Variants in PLA1A observed in about 807,000 individuals in gnomAD.
PLA1A encodes phospholipase A1 member A.
A neutral mutation model predicts 49.4 loss-of-function variants in PLA1A; 47 were observed. That is an observed-to-expected ratio of 0.95 (90% CI 0.75 to 1.21). The LOEUF (loss-of-function observed/expected upper bound fraction) is 1.21. Among genes scored for constraint, PLA1A ranks in the 50% most tolerant of loss-of-function variants. The pLI is 0.00. For missense variants in PLA1A, 561 were observed against 563.9 expected, an observed-to-expected ratio of 0.99 and a Z score of 0.05; for synonymous variants, 224 against 207.9, an observed-to-expected ratio of 1.08 and a Z score of -0.67.
At chr3:119,618,752 G>T (rs114258319) in intron 7 of PLA1A, among the ~76,000 whole-genome samples, 2 of 138,706 alleles carry the variant, frequency 1.4e-5, no homozygotes, top group Non-Finnish European at 3.2e-5. Context: ...TGCATATCCC[G>T]TGGTTATCCA....
chr3:119,626,054 T>G (rs984927332), intron 9 of PLA1A, among the ~76,000 whole-genome samples: 9 of 152,050 alleles, frequency 5.9e-5, no homozygotes, highest in African/African-American at 2.2e-4. Flanking sequence ...ATTACAAGTG[T>G]GTTGGATGAG....
chr3:119,607,087 T>A, intron 2 of PLA1A, 112 bp downstream of exon 2: 1 of 822,996 alleles, frequency 1.2e-6, no homozygotes, highest in East Asian at 2.5e-5. Flanking sequence ...AATGGCCACA[T>A]GTTCCATCCC....
intron 8 of PLA1A, chr3:119,620,134 C>T (rs2082909628): frequency 4.4e-6 from 2 of 456,868 alleles, no homozygotes; most frequent in Non-Finnish European, 8.8e-6. Flanking sequence ...AGCTAGGATG[C>T]TGGTGATTGT....
chr3:119,618,945 A>G (rs2082890996), intron 7 of PLA1A, among the ~76,000 whole-genome samples: 1 of 152,214 alleles, frequency 6.6e-6, no homozygotes, highest in Non-Finnish European at 1.5e-5. Context: ...TGATAGAACC[A>G]GTCATCATTA....
intron 8 of PLA1A, among the ~76,000 whole-genome samples, chr3:119,622,242 A>G (rs2082951159): frequency 6.6e-6 from 1 of 152,114 alleles, no homozygotes; most frequent in Non-Finnish European, 1.5e-5. Flanking sequence ...TTCTTAATCA[A>G]TGATACTTGC....
At chr3:119,599,750 G>C (rs1004449906) in intron 1 of PLA1A, among the ~76,000 whole-genome samples, 48 of 152,240 alleles carry the variant, frequency 3.2e-4, no homozygotes, top group African/African-American at 9.6e-4. Context: ...TTCCTTGCCT[G>C]GTCTTCTTGC....
At chr3:119,614,545 G>T (rs1422613658) in intron 5 of PLA1A, among the ~76,000 whole-genome samples, 4 of 146,756 alleles carry the variant, frequency 2.7e-5, no homozygotes, top group African/African-American at 7.7e-5. Context: ...GGCAGAGCTT[G>T]CAGTGAGCGG....
Position 119,608,768 on chromosome 3 carries a change from A to G in PLA1A, c.276-2A>G. 6.2e-7 allele frequency: 1 copy of G among 1,611,602 alleles called. No homozygotes were observed. Among genetic ancestry groups the G allele is most frequent in the Non-Finnish European group, 8.5e-7 (1 of 1,178,084 alleles). ...TCCATTCTTTTTTGGCCCCCTGTCT[A>G]GGGTTTTAGGAACAAAGCCTTCCTG... On this transcript the variant is annotated splice_acceptor_variant, in intron 2 of 10. Transcript: ENST00000273371. LOFTEE classifies it high-confidence loss of function.
chr3:119,607,710 C>T (rs565866673), intron 2 of PLA1A, among the ~76,000 whole-genome samples: 2 of 152,296 alleles, frequency 1.3e-5, no homozygotes, highest in Admixed American at 1.3e-4. Flanking sequence ...GGCATCTCTC[C>T]TTGCTCTTGT....
rs1476873027 is a variant in PLA1A, at chr3:119,616,012, A to G, written c.665A>G (p.Asn222Ser). The change falls in exon 6 of 11, where the codon AAT becomes AGT. Residue 222 changes from asparagine to serine, a missense_variant and splice_region_variant. By Grantham distance (46) the Asn-to-Ser change is conservative. Transcript: ENST00000273371. ...TTAATGGAGTTGTGCCTCCTTTCAG[A>G]TTTGGGTATTCGGATTCCCGTTGGA... ...FVEAIHTDTD[N>S]LGIRIPVGHV... 6.2e-7 allele frequency: 1 copy of G among 1,606,428 alleles called. No individual in the cohort carries two copies. The highest frequency in any genetic ancestry group is 8.5e-7 in the Non-Finnish European group (1 of 1,173,264).
chr3:119,604,218 C>T (rs1429900613), intron 1 of PLA1A, among the ~76,000 whole-genome samples: 2 of 152,122 alleles, frequency 1.3e-5, no homozygotes, highest in Non-Finnish European at 2.9e-5. Context: ...AAAGATAGAA[C>T]TTCCATATGA....
chr3:119,613,730 A>C (rs564455126), intron 5 of PLA1A, among the ~76,000 whole-genome samples: 1 of 152,168 alleles, frequency 6.6e-6, no homozygotes, highest in Non-Finnish European at 1.5e-5. Flanking sequence ...CGTCTCTACT[A>C]AAAATACAAA....
chr3:119,603,451 T>C (rs1486858890), intron 1 of PLA1A, among the ~76,000 whole-genome samples: 1 of 152,260 alleles, frequency 6.6e-6, no homozygotes, highest in African/African-American at 2.4e-5. Flanking sequence ...TTGCTACCAA[T>C]GTTGCTCATA....
At chr3:119,600,437 C>T (rs768345004) in intron 1 of PLA1A, 1 of 702,502 alleles carries the variant, frequency 1.4e-6, no homozygotes, top group Non-Finnish European at 2.6e-6. Context: ...CTCTCAGTAC[C>T]TATGTTTCCT....
intron 1 of PLA1A, among the ~76,000 whole-genome samples, chr3:119,602,229 A>AGG (rs2082626487): frequency 2.6e-5 from 4 of 152,302 alleles, no homozygotes; most frequent in Non-Finnish European, 2.9e-5. Flanking sequence ...CAGCATGTGT[A>AGG]AGCTAGGGAT....
chr3:119,617,076 G>A (rs550481484), intron 6 of PLA1A, among the ~76,000 whole-genome samples: 7 of 152,316 alleles, frequency 4.6e-5, no homozygotes, highest in African/African-American at 9.6e-5. Flanking sequence ...AAGACCCCAG[G>A]ACCCTGGAGT....
intron 9 of PLA1A, among the ~76,000 whole-genome samples, 162 bp from the exon 10 acceptor site, chr3:119,628,539 A>G (rs527426254): frequency 5.1e-4 from 78 of 152,344 alleles, no homozygotes; most frequent in African/African-American, 1.9e-3. Flanking sequence ...AGGTGTGGGC[A>G]GAGGGGCTGG....
At chr3:119,615,135 C>T (rs2082827531) in intron 5 of PLA1A, among the ~76,000 whole-genome samples, 1 of 152,182 alleles carries the variant, frequency 6.6e-6, no homozygotes, top group Non-Finnish European at 1.5e-5. Context: ...AATACACAAT[C>T]AATTTCTTCC....
chr3:119,616,199 C>T (rs1358225666), intron 6 of PLA1A, 98 bp downstream of exon 6: 1 of 751,004 alleles, frequency 1.3e-6, no homozygotes, highest in Non-Finnish European at 2.4e-6. Flanking sequence ...CATAGAGGGT[C>T]TACTTGACAG....
Sources: allele counts gnomAD v4.1 joint callset (sites outside exome capture counted in the v4.1 genomes callset), GRCh38; gene constraint gnomAD v4.1.1; transcripts MANE v1.5; gene names NCBI Gene and HGNC (gene_info 2026-07-23, HGNC 2026-07-21).